REX1BD: variants seen among roughly 807,000 people sequenced by gnomAD.
REX1BD encodes the protein required for excision 1-B domain-containing protein.
Under a neutral mutation model 24.4 loss-of-function variants are expected in REX1BD, and 22 were observed. That is an observed-to-expected ratio of 0.90 (90% CI 0.64 to 1.29). REX1BD has a LOEUF of 1.29. Among genes scored for constraint, REX1BD ranks in the 50% most tolerant of loss-of-function variants. The pLI is 0.00. For missense variants in REX1BD, 293 were observed against 285.3 expected, an observed-to-expected ratio of 1.03 and a Z score of -0.19; for synonymous variants, 146 against 125.9, an observed-to-expected ratio of 1.16 and a Z score of -1.07.
At chr19:18,589,378 C>G (rs1380629028) in intron 2 of REX1BD, 35 bp from the exon 3 acceptor site, 4 of 1,552,980 alleles carry the variant, frequency 2.6e-6, no homozygotes, top group African/African-American at 1.4e-5. Flanking sequence ...GTCCTCCCCT[C>G]TGGTGTCTGG....
At chr19:18,589,324 C>G (rs1014432866) in intron 2 of REX1BD, 89 bp from the exon 3 acceptor site, 4 of 1,546,448 alleles carry the variant, frequency 2.6e-6, no homozygotes, top group African/African-American at 1.4e-5. Flanking sequence ...GGGCCTGTCT[C>G]GCGTTCCCCT....
intron 3 of REX1BD, 33 bp downstream of exon 3, chr19:18,589,716 T>C (rs1313537268): frequency 2.1e-6 from 3 of 1,445,586 alleles, no homozygotes; most frequent in Admixed American, 2.8e-5. Flanking sequence ...GCCGTGTCTC[T>C]AGGACCCTGG....
At chr19:18,589,988 T>G in intron 3 of REX1BD, 2 of 385,882 alleles carry the variant, frequency 5.2e-6, no homozygotes, top group African/African-American at 4.2e-5. Flanking sequence ...CCACTCTGGT[T>G]GTTCCGCGTC....
Position 18,589,758 on chromosome 19 carries a change from G to A in REX1BD, c.453+75G>A, listed in dbSNP as rs923603558. On this transcript the variant is annotated intron_variant, in intron 3 of 4. Coordinates refer to ENST00000358607, the MANE Select transcript of REX1BD (RefSeq NM_001100418.2). The stretch of plus-strand genomic sequence containing the variant: ...CCTCTCATGACGCACCCCTGGTTGG[G>A]GGGTGGTCCCAGTATCCCATACACA... 2.8e-6 allele frequency: 4 copies of A among 1,429,842 alleles called. No individual in the cohort carries two copies. The African/African-American group carries it at 5.8e-5, about 21-fold the overall frequency. 88.6% of individuals were successfully genotyped at this position (1,429,842 alleles called of 1,614,324 possible). A position where few individuals can be genotyped will look rare whatever the true frequency, so the allele number is the denominator to read the frequency against.
intron 2 of REX1BD, 159 bp from the exon 3 acceptor site, chr19:18,589,254 G>A (rs935107824): frequency 3.9e-6 from 6 of 1,534,372 alleles, no homozygotes; most frequent in African/African-American, 1.4e-5. Flanking sequence ...CCCACAGCAC[G>A]TCCCCACTAC....
chr19:18,589,689 G>A lies in REX1BD; in HGVS notation c.453+6G>A. ...AGCAGACGCGGCTGGGCACGGTGAG[G>A]CCACCACCCCTTCCCCGCCGTGTCT... is the stretch of plus-strand genomic sequence containing the variant. On this transcript the variant is annotated splice_donor_region_variant and intron_variant, in intron 3 of 4. Coordinates refer to ENST00000358607, the MANE Select transcript of REX1BD (RefSeq NM_001100418.2). The A allele has an allele frequency of 6.8e-7, 1 of 1,462,206 alleles. No individual in the cohort carries two copies. The highest frequency in any genetic ancestry group is 9.0e-7 in the Non-Finnish European group (1 of 1,116,060). 90.6% of individuals were successfully genotyped at this position (1,462,206 alleles called of 1,614,324 possible).
chr19:18,590,761 TG>T, intron 3 of REX1BD, 92 bp from the exon 4 acceptor site: 1 of 1,279,304 alleles, frequency 7.8e-7, no homozygotes. Context: ...ACTGCCTTTC[TG>T]GGTGCCTCTG....
At position 18,589,083 on chromosome 19, in the gene REX1BD, T is replaced by TG. The variant is rs1011048076; in HGVS notation, c.182+11dup. 4.7e-6 allele frequency: 7 copies of TG among 1,497,790 alleles called. No individual in the cohort carries two copies. Among genetic ancestry groups the TG allele is most frequent in the Non-Finnish European group, 6.2e-6 (7 of 1,130,242 alleles). The allele number at this position is 1,497,790 out of a possible 1,614,324, so 92.8% of individuals were successfully genotyped here. ...GGCTTCCGCCGACTGGAGGAGTGAGTGGGGGCGCGGAGGGGCTCAGGGTTC... is the reference window on the plus strand; with the variant it reads ...GGCTTCCGCCGACTGGAGGAGTGAGTGGGGGGCGCGGAGGGGCTCAGGGTTC... On this transcript the variant is annotated splice_region_variant and intron_variant, in intron 2 of 4. Transcript: ENST00000358607.
At chr19:18,591,036 T>C (rs1976030262) in intron 4 of REX1BD, 103 bp downstream of exon 4, 2 of 1,072,340 alleles carry the variant, frequency 1.9e-6, no homozygotes, top group Admixed American at 3.1e-5. Flanking sequence ...TGCACAATGG[T>C]GTTCTCACCT....
chr19:18,590,768 C>T, intron 3 of REX1BD, 86 bp from the exon 4 acceptor site: 1 of 1,357,322 alleles, frequency 7.4e-7, no homozygotes, highest in Non-Finnish European at 1.0e-6. Flanking sequence ...TTCTGGGTGC[C>T]TCTGTTTTTT....
intron 1 of REX1BD, 26 bp downstream of exon 1, chr19:18,588,926 G>T: frequency 6.6e-7 from 1 of 1,525,378 alleles, no homozygotes; most frequent in Non-Finnish European, 8.7e-7. Context: ...AGCGGGAACG[G>T]GCGCGGGGCG....
chr19:18,589,828 C>T (rs1976001444), intron 3 of REX1BD, 145 bp downstream of exon 3: 2 of 1,209,358 alleles, frequency 1.7e-6, no homozygotes, highest in African/African-American at 1.6e-5. Context: ...ATTAAGGCTT[C>T]ACTTGGGGAT....
chr19:18,591,125 A>G, intron 4 of REX1BD, 192 bp downstream of exon 4: 1 of 541,914 alleles, frequency 1.8e-6, no homozygotes, highest in South Asian at 2.4e-5. Context: ...TTGCTGGGAC[A>G]CTGCTGTATA....
chr19:18,592,251 G>T lies in REX1BD; in HGVS notation c.*71G>T. Reference sequence around the variant, plus strand: ...GATGGCGCCCAGCCCAGCCCTAACTGCCAGCTGGCTGGGGTTGCGCCCCAC... The same window carrying T: ...GATGGCGCCCAGCCCAGCCCTAACTTCCAGCTGGCTGGGGTTGCGCCCCAC... On this transcript the variant is annotated 3_prime_UTR_variant, in exon 5 of 5. Coordinates refer to ENST00000358607, the MANE Select transcript of REX1BD (RefSeq NM_001100418.2). The T allele has an allele frequency of 6.3e-7, 1 of 1,578,190 alleles. No homozygotes were observed. Among genetic ancestry groups the T allele is most frequent in the Non-Finnish European group, 8.7e-7 (1 of 1,149,208 alleles).
chr19:18,590,726 C>G (rs1220525900), intron 3 of REX1BD, 128 bp from the exon 4 acceptor site: 2 of 789,302 alleles, frequency 2.5e-6, no homozygotes, highest in Non-Finnish European at 4.0e-6. Flanking sequence ...ACACAAAGCA[C>G]TGCCCCTCGT....
chr19:18,590,604 A>G, intron 3 of REX1BD: 1 of 430,064 alleles, frequency 2.3e-6, no homozygotes, highest in African/African-American at 2.1e-5. Context: ...ATGCCTGGCT[A>G]AGACGTCACT....
rs1383159021 is a variant in REX1BD at position 18,589,686 on chromosome 19, G to A, written c.453+3G>A. Reference sequence around the variant, plus strand: ...TGGAGCAGACGCGGCTGGGCACGGTGAGGCCACCACCCCTTCCCCGCCGTG... The same window carrying A: ...TGGAGCAGACGCGGCTGGGCACGGTAAGGCCACCACCCCTTCCCCGCCGTG... On this transcript the variant is annotated splice_donor_region_variant and intron_variant, in intron 3 of 4. Transcript: ENST00000358607. 1 of 1,470,778 alleles carries A rather than the reference G, an allele frequency of 6.8e-7. No homozygotes were observed. The highest frequency in any genetic ancestry group is 8.9e-7 in the Non-Finnish European group (1 of 1,119,596). 91.1% of individuals were successfully genotyped at this position (1,470,778 alleles called of 1,614,324 possible). A position where few individuals can be genotyped will look rare whatever the true frequency, so the allele number is the denominator to read the frequency against.
intron 2 of REX1BD, 25 bp from the exon 3 acceptor site, chr19:18,589,388 G>A (rs1303694688): frequency 1.3e-6 from 2 of 1,555,162 alleles, no homozygotes; most frequent in Non-Finnish European, 1.7e-6. Flanking sequence ...CTGGTGTCTG[G>A]GGACACTTCC....
intron 4 of REX1BD, chr19:18,591,853 C>T: frequency 2.0e-6 from 1 of 500,400 alleles, no homozygotes; most frequent in Non-Finnish European, 3.6e-6. Flanking sequence ...CCTCAGCTTC[C>T]CAAAGTGCTG....
Sources: allele counts gnomAD v4.1 joint callset, GRCh38; gene constraint gnomAD v4.1.1; transcripts MANE v1.5; gene names NCBI Gene and HGNC (gene_info 2026-07-23, HGNC 2026-07-21).